The following NTM variants were observed in gnomAD, a reference collection of about 807,000 sequenced individuals.
The protein encoded by NTM is IgLON family member 2.
A neutral mutation model predicts 42.1 loss-of-function variants in NTM; 13 were observed. The observed-to-expected ratio is 0.31, with a 90% CI of 0.20 to 0.49. The LOEUF (loss-of-function observed/expected upper bound fraction) is 0.49. Ranked by LOEUF, NTM falls within the 20% of genes least tolerant of loss-of-function variation. NTM has a pLI of 0.99. For missense variants in NTM, 373 were observed against 452.8 expected (o/e 0.82, Z 1.60); for synonymous variants, 187 against 179.2 (o/e 1.04, Z -0.35).
intron 2 of NTM, among the ~76,000 whole-genome samples, chr11:132,018,269 A>G (rs1163493652): frequency 6.6e-6 from 1 of 151,840 alleles, no homozygotes; most frequent in Non-Finnish European, 1.5e-5. Flanking sequence ...ACAGTGTTGA[A>G]AAGAAGTGTC....
intron 1 of NTM, among the ~76,000 whole-genome samples, chr11:131,858,205 T>C (rs2046294616): frequency 6.6e-6 from 1 of 152,182 alleles, no homozygotes; most frequent in Non-Finnish European, 1.5e-5. Flanking sequence ...TGCTATACTT[T>C]TTCATTTCTT....
chr11:131,773,332 T>G (rs1464638027), intron 1 of NTM, among the ~76,000 whole-genome samples: 1 of 152,238 alleles, frequency 6.6e-6, no homozygotes, highest in African/African-American at 2.4e-5. Context: ...CCCCACTGCT[T>G]AATACCATTA....
At chr11:132,192,592 A>C (rs1350618437) in intron 3 of NTM, among the ~76,000 whole-genome samples, 1 of 152,170 alleles carries the variant, frequency 6.6e-6, no homozygotes, top group African/African-American at 2.4e-5. Flanking sequence ...GCAACTATGC[A>C]ATCAAGTATA....
chr11:131,581,995 T>C (rs1353571237), intron 1 of NTM: 2 of 152,170 alleles, frequency 1.3e-5, no homozygotes, highest in African/African-American at 2.4e-5. Context: ...TTGCCATGAC[T>C]ATGCAGAGCT....
At chr11:132,219,085 G>A (rs1449436) in intron 4 of NTM, among the ~76,000 whole-genome samples, 55,692 of 151,848 alleles carry the variant, frequency 0.37, 10,716 homozygotes, top group Middle Eastern at 0.54. Flanking sequence ...TAACAACTTG[G>A]CATTCTCCAC....
chr11:131,830,471 G>A (rs532387555), intron 1 of NTM, among the ~76,000 whole-genome samples: 1 of 152,228 alleles, frequency 6.6e-6, no homozygotes, highest in South Asian at 2.1e-4. Context: ...AAGATCAGAT[G>A]GCTGTAGGTG....
intron 1 of NTM, among the ~76,000 whole-genome samples, chr11:131,530,704 C>A (rs562591025): frequency 2.0e-5 from 3 of 152,282 alleles, no homozygotes; most frequent in South Asian, 2.1e-4. Context: ...CAAATGGTGA[C>A]CTTAGAACAG....
rs59890572 is a variant in NTM at position 131,616,778 on chromosome 11, G to GGTGT, written c.82+245921_82+245924dup. On this transcript the variant is annotated intron_variant, in intron 1 of 8. Transcript: ENST00000683400. ...TTTTACAAGCACACTGTCTTGAGGG[G>GGTGT]GTGTGTGTGTGTGTGTGTGTGTGTG... 1.3e-3 allele frequency among the ~76,000 whole-genome samples: 187 copies of GGTGT among 141,980 alleles called. 1 individual carries two copies. The highest frequency in any genetic ancestry group is 2.5e-3 in the African/African-American group (95 of 37,366). 93.1% of individuals were successfully genotyped at this position (141,980 alleles called of 152,430 possible).
At chr11:132,173,605 AATATTTGTAT>A (rs1354985776) in intron 3 of NTM, among the ~76,000 whole-genome samples, 2 of 152,216 alleles carry the variant, frequency 1.3e-5, no homozygotes, top group African/African-American at 4.8e-5. Context: ...TTACATCTGT[AATATTTGTAT>A]GCATCCAGCT....
At chr11:131,977,560 TC>T (rs1397146307) in intron 2 of NTM, among the ~76,000 whole-genome samples, 1 of 152,238 alleles carries the variant, frequency 6.6e-6, no homozygotes, top group Non-Finnish European at 1.5e-5. Context: ...TCTTGCCAGC[TC>T]ATTGACTAAT....
intron 5 of NTM, among the ~76,000 whole-genome samples, chr11:132,309,448 C>T (rs762997888): frequency 2.0e-5 from 3 of 152,164 alleles, no homozygotes; most frequent in South Asian, 2.1e-4. Flanking sequence ...TTGGCAAGAA[C>T]CTGGTGTGCA....
chr11:131,936,676 TACACACACAA>T (rs756768284), intron 2 of NTM, among the ~76,000 whole-genome samples: 6 of 152,146 alleles, frequency 3.9e-5, no homozygotes, highest in Non-Finnish European at 8.8e-5. Context: ...CGCACATGCA[TACACACACAA>T]ACACACACAA....
chr11:132,149,834 A>T (rs908342029), intron 3 of NTM, among the ~76,000 whole-genome samples: 1 of 152,194 alleles, frequency 6.6e-6, no homozygotes, highest in Non-Finnish European at 1.5e-5. Context: ...TGAGCCAAGT[A>T]GCTACTTGCC....
chr11:131,880,012 C>T (rs2049212727), intron 1 of NTM, among the ~76,000 whole-genome samples: 1 of 152,164 alleles, frequency 6.6e-6, no homozygotes, highest in Non-Finnish European at 1.5e-5. Flanking sequence ...TGCATAGAGC[C>T]ATAGTGGACA....
intron 1 of NTM, among the ~76,000 whole-genome samples, chr11:131,508,477 C>T (rs199938081): frequency 0.13 from 17,478 of 137,284 alleles, 1,083 homozygotes; most frequent in East Asian, 0.24. Flanking sequence ...GTCAGTGTGG[C>T]GATTCCTCAG....
chr11:131,524,226 A>T (rs1235649264), intron 1 of NTM, among the ~76,000 whole-genome samples: 1 of 152,140 alleles, frequency 6.6e-6, no homozygotes, highest in African/African-American at 2.4e-5. Context: ...GGCCATGCCC[A>T]CATGGGCTCC....
chr11:131,617,829 GA>G (rs1565715541), intron 1 of NTM, among the ~76,000 whole-genome samples: 1 of 152,154 alleles, frequency 6.6e-6, no homozygotes, highest in Admixed American at 6.5e-5. Context: ...AAGACAACCA[GA>G]AGCCTTTTGT....
chr11:131,662,646 C>T lies in NTM; in HGVS notation c.83-248918C>T, dbSNP rs1021174942. ...AAGGTTGATGGAGTCACTGATTTAG[C>T]GGGAACATTCGTGTGTTTTTGAGCG... On this transcript the variant is annotated intron_variant, in intron 1 of 8. Transcript: ENST00000683400. Among the ~76,000 whole-genome samples, 32 of 152,182 alleles carry T rather than the reference C, an allele frequency of 2.1e-4. 1 individual carries two copies. The highest frequency in any genetic ancestry group is 7.3e-5 in the Non-Finnish European group (5 of 68,034).
intron 2 of NTM, among the ~76,000 whole-genome samples, chr11:132,087,721 G>C (rs531298500): frequency 2.1e-4 from 32 of 152,226 alleles, no homozygotes; most frequent in African/African-American, 7.0e-4. Context: ...CTCCCGACAG[G>C]GTGGAGCAAA....
Sources: allele counts gnomAD v4.1 joint callset (sites outside exome capture counted in the v4.1 genomes callset), GRCh38; gene constraint gnomAD v4.1.1; transcripts MANE v1.5; gene names NCBI Gene and HGNC (gene_info 2026-07-23, HGNC 2026-07-21).